The following ORC5 variants were observed in gnomAD, a reference collection of about 807,000 sequenced individuals.
The protein encoded by ORC5 is origin recognition complex subunit 5, also known as protein phosphatase 1, regulatory subunit 117.
ORC5 carries 39 observed loss-of-function variants against 58.8 expected under a neutral mutation model. That is an observed-to-expected ratio of 0.66 (90% CI 0.51 to 0.87). ORC5 has a LOEUF of 0.87. Ranked by LOEUF, ORC5 falls within the 40% of genes least tolerant of loss-of-function variation. The pLI is 0.00. For missense variants in ORC5, 493 were observed against 506.3 expected (o/e 0.97, Z 0.25); for synonymous variants, 218 against 177.6 (o/e 1.23, Z -1.81).
Position 104,207,957 on chromosome 7 carries a change from A to G in ORC5, c.-53T>C, listed in dbSNP as rs1236653559. On this transcript the variant is annotated 5_prime_UTR_variant, in exon 1 of 14. Coordinates refer to ENST00000297431, the MANE Select transcript of ORC5 (RefSeq NM_002553.4). Reference sequence around the variant, plus strand: ...TGCAGCCAGCCCACAGGACCCTTGCACAAGACGGAGCCTCTCCCGAGTCTG... The same window carrying G: ...TGCAGCCAGCCCACAGGACCCTTGCGCAAGACGGAGCCTCTCCCGAGTCTG... 13 of 1,543,784 alleles carry G rather than the reference A, an allele frequency of 8.4e-6. No individual in the cohort carries two copies. Among genetic ancestry groups the G allele is most frequent in the Non-Finnish European group, 1.2e-5 (13 of 1,116,962 alleles).
In ORC5 at chr7:104,184,116, C is replaced by G. The variant is rs749187818; in HGVS notation, c.733+7G>C. ...ATAAATATTAATGAGTAAAATTACA[C>G]AGTTACCTTCTCCTTTAACCACGGG... On this transcript the variant is annotated splice_region_variant and intron_variant, in intron 7 of 13. Coordinates refer to ENST00000297431, the MANE Select transcript of ORC5 (RefSeq NM_002553.4). The G allele has an allele frequency of 3.1e-6, 5 of 1,588,986 alleles. No individual in the cohort carries two copies. Among genetic ancestry groups the G allele is most frequent in the South Asian group, 1.1e-5 (1 of 88,400 alleles).
At position 104,199,909 on chromosome 7, in the gene ORC5, G is replaced by A. The variant is rs560895055; in HGVS notation, c.366+849C>T. On this transcript the variant is annotated intron_variant, in intron 3 of 13. Coordinates refer to ENST00000297431, the MANE Select transcript of ORC5 (RefSeq NM_002553.4). ...CTCCATGTGTCAAGGGAGAGACCAGGTGGAGGTAAATGAATCTTGGGGGTG... is the reference window on the plus strand; with the variant it reads ...CTCCATGTGTCAAGGGAGAGACCAGATGGAGGTAAATGAATCTTGGGGGTG... Among the ~76,000 whole-genome samples, 7 of 152,304 alleles carry A rather than the reference G, an allele frequency of 4.6e-5. No individual in the cohort carries two copies. The South Asian group carries it at 1.5e-3, about 32-fold the overall frequency.
chr7:104,146,793 A>C (rs1300283924), intron 12 of ORC5, among the ~76,000 whole-genome samples: 1 of 152,206 alleles, frequency 6.6e-6, no homozygotes, highest in Admixed American at 6.5e-5. Context: ...ATAGACATAC[A>C]CAAAAGAATA....
Position 104,137,456 on chromosome 7 carries a change from A to C in ORC5, c.1150-563T>G, listed in dbSNP as rs189324121. Among the ~76,000 whole-genome samples the C allele has an allele frequency of 1.2e-4, 18 of 152,076 alleles. No individual in the cohort carries two copies. In the East Asian group the frequency reaches 3.1e-3, roughly 26 times the overall value. ...TGGTCCCTGGCTAGTGCTCCACTCC[A>C]AGTCTGAGCCCACAGACCTAGGTAA... is the stretch of plus-strand genomic sequence containing the variant. On this transcript the variant is annotated intron_variant, in intron 12 of 13. Transcript: ENST00000297431.
At chr7:104,134,511 G>C (rs1414035407) in intron 13 of ORC5, among the ~76,000 whole-genome samples, 1 of 151,156 alleles carries the variant, frequency 6.6e-6, no homozygotes, top group Non-Finnish European at 1.5e-5. Flanking sequence ...AATGGCTGAA[G>C]AGACAAAAAT....
intron 8 of ORC5, among the ~76,000 whole-genome samples, chr7:104,177,424 A>T (rs1747391064): frequency 6.6e-6 from 1 of 152,192 alleles, no homozygotes; most frequent in East Asian, 1.9e-4. Context: ...TAAAAAACTG[A>T]CATGTGACAA....
chr7:104,152,879 C>T (rs184569386), intron 12 of ORC5, among the ~76,000 whole-genome samples: 101 of 151,884 alleles, frequency 6.6e-4, no homozygotes, highest in African/African-American at 2.4e-3. Context: ...TTTTTAAATC[C>T]CTTAGGCAGT....
chr7:104,141,060 A>C (rs1221594446), intron 12 of ORC5, among the ~76,000 whole-genome samples: 1 of 152,126 alleles, frequency 6.6e-6, no homozygotes, highest in Non-Finnish European at 1.5e-5. Context: ...CAACTCCAAA[A>C]CTTTTAAAAA....
In ORC5 at chr7:104,189,677, T is replaced by G. The variant is rs186476595; in HGVS notation, c.554-1296A>C. ...TAAATATATCCACATGCTGAGAGGG[T>G]AGCACACTCCAGCCCCACAGGGACA... On this transcript the variant is annotated intron_variant, in intron 5 of 13. Transcript: ENST00000297431. Among the ~76,000 whole-genome samples, 9 of 152,158 alleles carry G rather than the reference T, an allele frequency of 5.9e-5. No individual in the cohort carries two copies. In the East Asian group the frequency reaches 1.7e-3, roughly 29 times the overall value.
intron 9 of ORC5, 127 bp downstream of exon 9, chr7:104,168,346 G>A: frequency 7.1e-7 from 1 of 1,409,586 alleles, no homozygotes; most frequent in Non-Finnish European, 9.4e-7. Flanking sequence ...TAGCATTATA[G>A]CTTGAAAAGT....
At position 104,207,857 on chromosome 7, in the gene ORC5, G is replaced by A. The variant is rs776733037; in HGVS notation, c.48C>T (p.Ser16=). The A allele has an allele frequency of 1.2e-6, 2 of 1,614,028 alleles. No individual in the cohort carries two copies. The highest frequency in any genetic ancestry group is 1.7e-5 in the Admixed American group (1 of 60,008). Residue 16 remains serine, a synonymous_variant, in exon 1 of 14, where the codon TCC becomes TCT. Transcript: ENST00000297431. The stretch of plus-strand genomic sequence containing the variant: ...CCTCTCCAAACAAGGACTGCAAGAT[G>A]GACACTTGAGACTCGCGACAAAGCA... ...NVVLCRESQV[S]ILQSLFGERH...
At chr7:104,156,043 G>A (rs1384218391) in intron 12 of ORC5, among the ~76,000 whole-genome samples, 3 of 151,542 alleles carry the variant, frequency 2.0e-5, no homozygotes, top group Non-Finnish European at 3.0e-5. Context: ...CCCATTTACT[G>A]CATGTATTCC....
At chr7:104,205,159 G>A (rs949399713) in intron 1 of ORC5, among the ~76,000 whole-genome samples, 5 of 135,978 alleles carry the variant, frequency 3.7e-5, no homozygotes, top group Non-Finnish European at 7.6e-5. Context: ...GCGTGACCTC[G>A]GCTCACTTCA....
chr7:104,179,109 ATTTTTTTTT>A (rs34769476), intron 8 of ORC5, among the ~76,000 whole-genome samples: 1 of 138,448 alleles, frequency 7.2e-6, no homozygotes, highest in Non-Finnish European at 1.6e-5. Context: ...AGAAAAGTGA[ATTTTTTTTT>A]TTTTTTTTTT....
intron 12 of ORC5, among the ~76,000 whole-genome samples, chr7:104,153,432 G>A (rs1387457581): frequency 6.6e-6 from 1 of 152,124 alleles, no homozygotes; most frequent in Admixed American, 6.6e-5. Context: ...CTTCATCAGC[G>A]AAGTAGGCAT....
At chr7:104,201,246 G>C (rs1423710698) in intron 2 of ORC5, among the ~76,000 whole-genome samples, 4 of 152,116 alleles carry the variant, frequency 2.6e-5, no homozygotes, top group African/African-American at 9.7e-5. Context: ...AGTGGCCCTA[G>C]CTTGGCAGTG....
intron 12 of ORC5, among the ~76,000 whole-genome samples, chr7:104,139,756 C>A (rs1018076312): frequency 6.6e-6 from 1 of 151,898 alleles, no homozygotes; most frequent in Non-Finnish European, 1.5e-5. Context: ...ATGTATTTTG[C>A]AAATGTTATG....
rs1798484242 is a variant in ORC5, at chr7:104,129,597, A to G, written c.1263-2704T>C. Reference sequence around the variant, plus strand: ...CATAAAAAACTATGCCACACATCCGAAAGATAATTTTGTGCTTTAAAGTAC... The same window carrying G: ...CATAAAAAACTATGCCACACATCCGGAAGATAATTTTGTGCTTTAAAGTAC... On this transcript the variant is annotated intron_variant, in intron 13 of 13. Coordinates refer to ENST00000297431, the MANE Select transcript of ORC5 (RefSeq NM_002553.4). This position sits in a 1 kb window ranked among gnomAD's most constrained non-coding sequence, Gnocchi z 4.9. Among the ~76,000 whole-genome samples, 1 of 152,204 alleles carries G rather than the reference A, an allele frequency of 6.6e-6. No individual in the cohort carries two copies. Among genetic ancestry groups the G allele is most frequent in the South Asian group, 2.1e-4 (1 of 4,832 alleles).
At chr7:104,207,215 G>T (rs998391461) in intron 1 of ORC5, among the ~76,000 whole-genome samples, 3 of 148,944 alleles carry the variant, frequency 2.0e-5, no homozygotes, top group Non-Finnish European at 4.5e-5. Context: ...TTGAATTGGT[G>T]AACGCTACCC....
Sources: gnomAD v4.1 joint callset for allele counts (sites outside exome capture counted in the v4.1 genomes callset) on GRCh38, gnomAD v4.1.1 for gene constraint, Gnocchi (gnomAD v3.1) non-coding constraint, MANE v1.5 for transcripts, NCBI Gene and HGNC (gene_info 2026-07-23, HGNC 2026-07-21) for gene names.